The following SAMD5 variants were observed in gnomAD, a reference collection of about 807,000 sequenced individuals.
SAMD5 encodes sterile alpha motif domain-containing protein 5.
In SAMD5, 13 loss-of-function variants were observed where a neutral mutation model predicts 11.3. The ratio of observed to expected loss-of-function variants is 1.15; its 90% CI spans 0.75 to 1.83. The LOEUF (loss-of-function observed/expected upper bound fraction) is 1.83. Among genes scored for constraint, SAMD5 ranks in the 40% most tolerant of loss-of-function variants. SAMD5 has a pLI of 0.00. For synonymous variants in SAMD5, 129 were observed against 111.3 expected, an observed-to-expected ratio of 1.16 and a Z score of -1.00; for missense variants, 255 against 239.1, an observed-to-expected ratio of 1.07 and a Z score of -0.44.
At chr6:147,935,473 C>T in the SAMD5 span, among the ~76,000 whole-genome samples, 36 of 152,234 alleles carry the variant, frequency 2.4e-4, no homozygotes, top group South Asian at 7.5e-3. Context: ...GAAGGAATAA[C>T]ATAAGCCAAC....
the SAMD5 span, among the ~76,000 whole-genome samples, chr6:147,883,674 C>A: frequency 1.7e-4 from 26 of 152,196 alleles, no homozygotes; most frequent in Non-Finnish European, 3.7e-4. Flanking sequence ...CCATTAAAAT[C>A]TTTCAGAGAA....
At chr6:147,539,722 A>T (rs562876023) in intron 1 of SAMD5, among the ~76,000 whole-genome samples, 1 of 152,254 alleles carries the variant, frequency 6.6e-6, no homozygotes, top group African/African-American at 2.4e-5. Flanking sequence ...AAAATGGAGA[A>T]AAATAATTCA....
At chr6:147,887,496 A>G in the SAMD5 span, among the ~76,000 whole-genome samples, 1 of 152,260 alleles carries the variant, frequency 6.6e-6, no homozygotes, top group Non-Finnish European at 1.5e-5. Flanking sequence ...TCCTATGAGA[A>G]CATGAATTAA....
At chr6:147,793,481 A>C in the SAMD5 span, among the ~76,000 whole-genome samples, 3 of 152,202 alleles carry the variant, frequency 2.0e-5, no homozygotes, top group Non-Finnish European at 2.9e-5. Flanking sequence ...GATATGAATA[A>C]AGTATAGACT....
In SAMD5 at chr6:147,632,689, C is replaced by T. The variant is rs963341134; in HGVS notation, c.163-104628C>T. On this transcript the variant is annotated intron_variant, in intron 1 of 1. Coordinates refer to the SAMD5 transcript ENST00000566741. ...AAGAATTTCGACCACACAGTATTGA[C>T]TGCTTCTAGCCTACTGAGTCATAAA... 4.6e-5 allele frequency among the ~76,000 whole-genome samples: 7 copies of T among 152,182 alleles called. No individual in the cohort carries two copies. The East Asian group carries it at 5.8e-4, about 13-fold the overall frequency.
intron 1 of SAMD5, among the ~76,000 whole-genome samples, chr6:147,660,416 T>C (rs1182862956): frequency 6.6e-6 from 1 of 152,134 alleles, no homozygotes; most frequent in East Asian, 1.9e-4. Context: ...CCTGCTTCCC[T>C]ACCATGCTGA....
the SAMD5 span, among the ~76,000 whole-genome samples, chr6:147,873,909 T>G: frequency 5.3e-5 from 8 of 152,182 alleles, no homozygotes; most frequent in African/African-American, 1.9e-4. Context: ...CAATGTTATT[T>G]CAAAAACCCC....
the SAMD5 span, among the ~76,000 whole-genome samples, chr6:147,799,394 G>T: frequency 1.3e-5 from 2 of 151,736 alleles, no homozygotes. Flanking sequence ...TTGAATATTG[G>T]CCCCCACTCG....
At chr6:147,896,352 G>T in the SAMD5 span, among the ~76,000 whole-genome samples, 1 of 151,460 alleles carries the variant, frequency 6.6e-6, no homozygotes, top group Non-Finnish European at 1.5e-5. Context: ...ATAAGGACTG[G>T]ACTCTGAGCT....
chr6:147,909,608 CTTT>C, the SAMD5 span, among the ~76,000 whole-genome samples: 1 of 75,850 alleles, frequency 1.3e-5, no homozygotes, highest in Non-Finnish European at 2.4e-5. Flanking sequence ...TTCTTTCTTT[CTTT>C]CTTTCTTTCT....
chr6:147,573,279 C>T (rs1789165708), downstream of SAMD5, among the ~76,000 whole-genome samples: 1 of 150,314 alleles, frequency 6.7e-6, no homozygotes, highest in Non-Finnish European at 1.5e-5. Context: ...AATTGACTCA[C>T]AGTTCCACAT....
At chr6:147,784,403 T>C in the SAMD5 span, among the ~76,000 whole-genome samples, 1 of 152,224 alleles carries the variant, frequency 6.6e-6, no homozygotes, top group Admixed American at 6.5e-5. Context: ...GACCCACTTA[T>C]GGCTTTACTG....
chr6:147,614,743 T>A (rs901239619), intron 1 of SAMD5, among the ~76,000 whole-genome samples: 1 of 151,968 alleles, frequency 6.6e-6, no homozygotes, highest in Non-Finnish European at 1.5e-5. Context: ...GTCAGTTTGC[T>A]ATGAATAGTG....
chr6:147,633,373 C>T (rs927544573), intron 1 of SAMD5, among the ~76,000 whole-genome samples: 3 of 152,038 alleles, frequency 2.0e-5, no homozygotes, highest in East Asian at 1.9e-4. Context: ...TTTTGGGCTG[C>T]GGTTTCTTAT....
chr6:147,930,900 C>A, the SAMD5 span, among the ~76,000 whole-genome samples: 193 of 152,342 alleles, frequency 1.3e-3, no homozygotes, highest in African/African-American at 4.3e-3. Context: ...TGCTCGCCCA[C>A]GCTGAGGGCA....
chr6:147,737,216 C>T (rs1012210935), intron 1 of SAMD5: 7 of 458,238 alleles, frequency 1.5e-5, no homozygotes, highest in East Asian at 7.7e-5. Flanking sequence ...CTCCCATCCT[C>T]GGGAAGGGTG....
chr6:147,611,694 G>C (rs1789789053), intron 1 of SAMD5, among the ~76,000 whole-genome samples: 1 of 152,180 alleles, frequency 6.6e-6, no homozygotes, highest in African/African-American at 2.4e-5. Context: ...ATTTGGAGTT[G>C]AGCCAGTCTT....
chr6:147,569,762 T>G lies in SAMD5; in HGVS notation c.*5306T>G. On this transcript the variant is annotated 3_prime_UTR_variant, in exon 2 of 2. Coordinates refer to ENST00000367474, the MANE Select transcript of SAMD5 (RefSeq NM_001030060.3). Reference sequence around the variant, plus strand: ...CCTACAGAAGTGTGTGCATGGGCCTTGGAAAATCTACATGTGTATATCTGA... The same window carrying G: ...CCTACAGAAGTGTGTGCATGGGCCTGGGAAAATCTACATGTGTATATCTGA... 2 of 985,448 alleles carry G rather than the reference T, an allele frequency of 2.0e-6. No homozygotes were observed. Among genetic ancestry groups the G allele is most frequent in the Non-Finnish European group, 2.4e-6 (2 of 829,904 alleles). 61.0% of individuals were successfully genotyped at this position (985,448 alleles called of 1,614,324 possible).
At chr6:147,779,881 C>G in the SAMD5 span, among the ~76,000 whole-genome samples, 1 of 152,312 alleles carries the variant, frequency 6.6e-6, no homozygotes, top group South Asian at 2.1e-4. Flanking sequence ...CTCAGCACTT[C>G]CTGCTTCCAT....
Sources: allele counts gnomAD v4.1 joint callset (sites outside exome capture counted in the v4.1 genomes callset), GRCh38; gene constraint gnomAD v4.1.1; transcripts MANE v1.5; gene names NCBI Gene and HGNC (gene_info 2026-07-23, HGNC 2026-07-21).